The following MAP3K20 variants were observed in gnomAD, a reference collection of about 807,000 sequenced individuals.
MAP3K20 encodes HCCS-4.
A neutral mutation model predicts 85.7 loss-of-function variants in MAP3K20; 40 were observed. That is an observed-to-expected ratio of 0.47 (90% CI 0.36 to 0.61). The LOEUF (loss-of-function observed/expected upper bound fraction) is 0.61. Among genes scored for constraint, MAP3K20 ranks in the 20% least tolerant of loss-of-function variants. MAP3K20 has a pLI of 0.00. For synonymous variants in MAP3K20, 325 were observed against 327.7 expected, an observed-to-expected ratio of 0.99 and a Z score of 0.09; for missense variants, 817 against 961.7, an observed-to-expected ratio of 0.85 and a Z score of 1.99.
intron 16 of MAP3K20, among the ~76,000 whole-genome samples, chr2:173,241,061 A>G (rs1429232091): frequency 6.6e-6 from 1 of 152,230 alleles, no homozygotes; most frequent in Admixed American, 6.5e-5. Flanking sequence ...TGGAGATAGT[A>G]GAATGATGAT....
intron 16 of MAP3K20, among the ~76,000 whole-genome samples, chr2:173,240,834 T>G (rs2106338708): frequency 6.6e-6 from 1 of 152,352 alleles, no homozygotes; most frequent in East Asian, 1.9e-4. Flanking sequence ...ATTGCAGCAC[T>G]GCGCACAAAA....
chr2:173,152,331 C>T (rs1203054680), intron 2 of MAP3K20, among the ~76,000 whole-genome samples: 3 of 152,068 alleles, frequency 2.0e-5, no homozygotes, highest in African/African-American at 7.2e-5. Flanking sequence ...CAGAAAATCT[C>T]GGATTATTTT....
intron 11 of MAP3K20, chr2:173,221,989 G>A (rs547551269): frequency 2.9e-4 from 290 of 985,362 alleles, no homozygotes; most frequent in Non-Finnish European, 3.3e-4. Context: ...GCAATACACT[G>A]TAATATCAGA....
At chr2:173,227,313 GGTGGA>G (rs1422746777) in intron 11 of MAP3K20, among the ~76,000 whole-genome samples, 1 of 152,066 alleles carries the variant, frequency 6.6e-6, no homozygotes, top group Admixed American at 6.5e-5. Flanking sequence ...ACAGTCATGG[GGTGGA>G]TTTTTTTTTT....
chr2:173,119,349 C>G (rs1180737848), intron 2 of MAP3K20, among the ~76,000 whole-genome samples: 15 of 152,180 alleles, frequency 9.9e-5, no homozygotes, highest in Non-Finnish European at 2.1e-4. Flanking sequence ...GAGGCTAAAG[C>G]TGGCCCACAA....
chr2:173,229,659 T>G (rs1474263303), intron 11 of MAP3K20, 30 bp from the exon 12 acceptor site: 1 of 1,613,274 alleles, frequency 6.2e-7, no homozygotes, highest in East Asian at 2.2e-5. Context: ...ATTACTTTTT[T>G]TTTTCATTTC....
At chr2:173,124,094 G>T (rs549152973) in intron 2 of MAP3K20, among the ~76,000 whole-genome samples, 1 of 152,122 alleles carries the variant, frequency 6.6e-6, no homozygotes, top group Non-Finnish European at 1.5e-5. Flanking sequence ...TTATGCCATG[G>T]ATTACCAGCA....
intron 7 of MAP3K20, among the ~76,000 whole-genome samples, chr2:173,195,907 G>A (rs113158179): frequency 3.9e-5 from 6 of 152,158 alleles, no homozygotes; most frequent in East Asian, 3.9e-4. Flanking sequence ...TATTTTTCAC[G>A]GTTAGAGCTC....
At chr2:173,213,016 G>C (rs1416590499) in intron 10 of MAP3K20, among the ~76,000 whole-genome samples, 2 of 151,986 alleles carry the variant, frequency 1.3e-5, no homozygotes, top group Non-Finnish European at 2.9e-5. Context: ...AGACCCTACA[G>C]TCTAGTTTGT....
intron 2 of MAP3K20, among the ~76,000 whole-genome samples, chr2:173,158,290 T>TA (rs973324389): frequency 2.6e-5 from 4 of 152,146 alleles, no homozygotes; most frequent in African/African-American, 9.7e-5. Context: ...AAAGCTTTAA[T>TA]AAAAAATGTT....
intron 11 of MAP3K20, chr2:173,224,642 TCTC>T (rs1684336978): frequency 3.3e-5 from 33 of 985,352 alleles, no homozygotes; most frequent in South Asian, 1.4e-4. Context: ...TTAAAATTGT[TCTC>T]CTCGTAGAAC....
chr2:173,146,063 A>G (rs1237094430), intron 2 of MAP3K20, among the ~76,000 whole-genome samples: 1 of 152,202 alleles, frequency 6.6e-6, no homozygotes, highest in Non-Finnish European at 1.5e-5. Flanking sequence ...AGGGTTGGGT[A>G]CTGAAGGGTA....
intron 7 of MAP3K20, among the ~76,000 whole-genome samples, chr2:173,194,679 T>C (rs3769165): frequency 0.23 from 35,341 of 151,804 alleles, 4,268 homozygotes; most frequent in Admixed American, 0.28. Flanking sequence ...AAATATCCCA[T>C]TGTTCATTGG....
chr2:173,163,127 G>A (rs1390530761), intron 2 of MAP3K20, among the ~76,000 whole-genome samples: 2 of 152,152 alleles, frequency 1.3e-5, no homozygotes, highest in Non-Finnish European at 2.9e-5. Context: ...TGTAAAACAA[G>A]CTTTTTAACT....
chr2:173,103,590 T>G (rs1044541465), intron 2 of MAP3K20, among the ~76,000 whole-genome samples: 1 of 152,142 alleles, frequency 6.6e-6, no homozygotes, highest in African/African-American at 2.4e-5. Flanking sequence ...AAATGTAAGG[T>G]GAGGAAATAG....
At chr2:173,184,329 G>A (rs1199348587) in intron 4 of MAP3K20, among the ~76,000 whole-genome samples, 1 of 152,176 alleles carries the variant, frequency 6.6e-6, no homozygotes, top group Non-Finnish European at 1.5e-5. Context: ...CATTTAGGGT[G>A]CTCAGCCAGT....
At chr2:173,104,329 G>A (rs1334320548) in intron 2 of MAP3K20, among the ~76,000 whole-genome samples, 1 of 152,138 alleles carries the variant, frequency 6.6e-6, no homozygotes, top group Non-Finnish European at 1.5e-5. Context: ...TAGTCATGAG[G>A]AAAATATCAG....
At chr2:173,131,331 A>G (rs1218047294) in intron 2 of MAP3K20, among the ~76,000 whole-genome samples, 2 of 152,234 alleles carry the variant, frequency 1.3e-5, no homozygotes, top group African/African-American at 2.4e-5. Context: ...AAACAATGAA[A>G]TGCCACAGTG....
intron 12 of MAP3K20, among the ~76,000 whole-genome samples, chr2:173,231,910 T>C (rs1684531389): frequency 6.6e-6 from 1 of 152,014 alleles, no homozygotes; most frequent in Non-Finnish European, 1.5e-5. Context: ...AATGGAAAAA[T>C]CACTATAAGT....
Sources: allele counts gnomAD v4.1 joint callset (sites outside exome capture counted in the v4.1 genomes callset), GRCh38; gene constraint gnomAD v4.1.1; transcripts MANE v1.5; gene names NCBI Gene and HGNC (gene_info 2026-07-23, HGNC 2026-07-21).